Variants in GRIN2A observed in about 807,000 individuals in gnomAD.
The protein encoded by GRIN2A is glutamate ionotropic receptor NMDA type subunit 2A.
Under a neutral mutation model 113.4 loss-of-function variants are expected in GRIN2A, and 22 were observed. That is an observed-to-expected ratio of 0.19 (90% confidence interval 0.14 to 0.28). The LOEUF (loss-of-function observed/expected upper bound fraction) is 0.28, where lower values mean the gene tolerates loss of function less well. Ranked by LOEUF, GRIN2A falls within the 10% of genes least tolerant of loss-of-function variation. GRIN2A has a pLI of 1.00. For synonymous variants in GRIN2A, 827 were observed against 738.4 expected (o/e 1.12, Z -1.94); for missense variants, 1,502 against 1,887.0 (o/e 0.80, Z 3.78).
chr16:10,003,336 A>C (rs2046354003), intron 2 of GRIN2A, among the ~76,000 whole-genome samples: 1 of 152,220 alleles, frequency 6.6e-6, no homozygotes, highest in African/African-American at 2.4e-5. Context: ...AATTACCATA[A>C]AGGATTCCAG....
Position 9,931,018 on chromosome 16 carries a change from T to C in GRIN2A, c.1007+6941A>G, listed in dbSNP as rs59413387. On this transcript the variant is annotated intron_variant, in intron 3 of 12. Coordinates refer to ENST00000330684, the MANE Select transcript of GRIN2A (RefSeq NM_001134407.3). ...TCAATCCAAAACACATAAATGGTCA[T>C]GCCAGGTGTCATCAATGAAGGCCAA... is the stretch of plus-strand genomic sequence containing the variant. 2.9e-3 allele frequency among the ~76,000 whole-genome samples: 439 copies of C among 152,330 alleles called. 2 individuals are homozygous for C. Among genetic ancestry groups the C allele is most frequent in the African/African-American group, 9.7e-3 (405 of 41,576 alleles).
chr16:9,981,248 T>C (rs551795432), intron 2 of GRIN2A, among the ~76,000 whole-genome samples: 6 of 152,352 alleles, frequency 3.9e-5, no homozygotes, highest in South Asian at 4.1e-4. Flanking sequence ...AGCACTGCCA[T>C]GCTGCTCAGC....
At chr16:9,882,520 C>T (rs2043501579) in intron 4 of GRIN2A, among the ~76,000 whole-genome samples, 1 of 152,144 alleles carries the variant, frequency 6.6e-6, no homozygotes, top group Admixed American at 6.5e-5. Flanking sequence ...GGTGCGGTGC[C>T]TCATGCCTGT....
chr16:9,972,013 G>A (rs934992655), intron 2 of GRIN2A, among the ~76,000 whole-genome samples: 6 of 152,046 alleles, frequency 3.9e-5, no homozygotes, highest in African/African-American at 1.4e-4. Context: ...GCCTGAGGAG[G>A]TGGAAGTTAG....
intron 2 of GRIN2A, among the ~76,000 whole-genome samples, chr16:10,108,013 T>G (rs117382374): frequency 6.6e-6 from 1 of 152,232 alleles, no homozygotes; most frequent in Non-Finnish European, 1.5e-5. Flanking sequence ...ATCCTACTCA[T>G]GTATGTCTCA....
At chr16:10,080,338 T>G (rs148464649) in intron 2 of GRIN2A, among the ~76,000 whole-genome samples, 232 of 152,318 alleles carry the variant, frequency 1.5e-3, no homozygotes, top group African/African-American at 5.1e-3. Context: ...TGATTAGGCT[T>G]CCTTTGCAAG....
chr16:10,165,090 T>C (rs1436238075), intron 2 of GRIN2A, among the ~76,000 whole-genome samples: 1 of 152,234 alleles, frequency 6.6e-6, no homozygotes, highest in Non-Finnish European at 1.5e-5. Flanking sequence ...TAATCTGTGA[T>C]GTAGACATTT....
intron 3 of GRIN2A, among the ~76,000 whole-genome samples, chr16:9,912,160 GGAA>G (rs1180633422): frequency 5.3e-5 from 8 of 152,078 alleles, no homozygotes; most frequent in East Asian, 3.9e-4. Flanking sequence ...AAAAGGAGAA[GGAA>G]GAAGAAGAAT....
chr16:10,130,285 T>C (rs140625791), intron 2 of GRIN2A, among the ~76,000 whole-genome samples: 1 of 152,120 alleles, frequency 6.6e-6, no homozygotes, highest in African/African-American at 2.4e-5. Flanking sequence ...GAGGGGAAAA[T>C]CAAATCAGTA....
rs536278054 is a variant in GRIN2A, at chr16:9,976,826, T to G, written c.415-38275A>C. Among the ~76,000 whole-genome samples the G allele has an allele frequency of 1.6e-4, 24 of 152,306 alleles. No individual in the cohort carries two copies. In the South Asian group the frequency reaches 4.1e-3, roughly 26 times the overall value. On this transcript the variant is annotated intron_variant, in intron 2 of 12. Coordinates refer to ENST00000330684, the MANE Select transcript of GRIN2A (RefSeq NM_001134407.3). Reference sequence around the variant, plus strand: ...TCCCTCCGAGGGAAGCCACTATCCATCCGGTGGCCAGCCTGACACCACATC... The same window carrying G: ...TCCCTCCGAGGGAAGCCACTATCCAGCCGGTGGCCAGCCTGACACCACATC...
At chr16:10,123,954 G>A (rs1280514824) in intron 2 of GRIN2A, among the ~76,000 whole-genome samples, 1 of 152,168 alleles carries the variant, frequency 6.6e-6, no homozygotes, top group Admixed American at 6.5e-5. Context: ...TGGCACATGA[G>A]CACTCAAGAG....
intron 2 of GRIN2A, among the ~76,000 whole-genome samples, chr16:10,017,943 T>C (rs911651529): frequency 1.3e-5 from 2 of 152,222 alleles, no homozygotes; most frequent in African/African-American, 4.8e-5. Context: ...TTGGCATTAA[T>C]TTCTATTCTC....
chr16:10,162,810 C>A (rs2049830920), intron 2 of GRIN2A, among the ~76,000 whole-genome samples: 1 of 152,208 alleles, frequency 6.6e-6, no homozygotes, highest in Non-Finnish European at 1.5e-5. Flanking sequence ...TTCTCCTACC[C>A]TCGGATGAAA....
At chr16:10,008,512 G>A (rs1046898991) in intron 2 of GRIN2A, among the ~76,000 whole-genome samples, 6 of 152,130 alleles carry the variant, frequency 3.9e-5, no homozygotes, top group African/African-American at 7.2e-5. Flanking sequence ...ACCAAAGACC[G>A]GACCCATGAG....
intron 2 of GRIN2A, among the ~76,000 whole-genome samples, chr16:10,107,885 A>T (rs954595621): frequency 6.6e-6 from 1 of 152,226 alleles, no homozygotes; most frequent in Non-Finnish European, 1.5e-5. Context: ...ACAGAGGTGC[A>T]CAAAACGTGC....
intron 9 of GRIN2A, among the ~76,000 whole-genome samples, chr16:9,825,661 G>C (rs2042374553): frequency 6.6e-6 from 1 of 152,124 alleles, no homozygotes; most frequent in South Asian, 2.1e-4. Context: ...CCTATTTCTA[G>C]TACAGTCTTC....
At chr16:9,953,931 C>A (rs2045243214) in intron 2 of GRIN2A, among the ~76,000 whole-genome samples, 1 of 152,118 alleles carries the variant, frequency 6.6e-6, no homozygotes, top group Non-Finnish European at 1.5e-5. Context: ...CGTTCCAACA[C>A]TTTCCAACTG....
chr16:10,062,232 A>G (rs2047561944), intron 2 of GRIN2A, among the ~76,000 whole-genome samples: 2 of 152,206 alleles, frequency 1.3e-5, no homozygotes, highest in African/African-American at 4.8e-5. Context: ...AATAGGAAAC[A>G]CTTCAGATTA....
intron 3 of GRIN2A, among the ~76,000 whole-genome samples, chr16:9,909,244 A>G (rs930949746): frequency 6.6e-6 from 1 of 152,190 alleles, no homozygotes; most frequent in African/African-American, 2.4e-5. Context: ...AAAGCATGGG[A>G]AAAACCCGCC....
Sources: allele counts gnomAD v4.1 joint callset (sites outside exome capture counted in the v4.1 genomes callset), GRCh38; gene constraint gnomAD v4.1.1; transcripts MANE v1.5; gene names NCBI Gene and HGNC (gene_info 2026-07-23, HGNC 2026-07-21).